The following CARMIL1 variants were observed in gnomAD, a reference collection of about 807,000 sequenced individuals.
The protein encoded by CARMIL1 is F-actin-uncapping protein LRRC16A.
CARMIL1 carries 90 observed loss-of-function variants against 177.1 expected under a neutral mutation model. The ratio of observed to expected loss-of-function variants is 0.51; its 90% confidence interval spans 0.43 to 0.61. The LOEUF (loss-of-function observed/expected upper bound fraction) is 0.61, where lower values mean the gene tolerates loss of function less well. Ranked by LOEUF, CARMIL1 falls within the 20% of genes least tolerant of loss-of-function variation. CARMIL1 has a pLI of 0.00. For missense variants in CARMIL1, 1,380 were observed against 1,667.0 expected (o/e 0.83, Z 3.00); for synonymous variants, 577 against 606.2 (o/e 0.95, Z 0.71).
intron 2 of CARMIL1, among the ~76,000 whole-genome samples, chr6:25,339,163 CCT>C (rs1470241786): frequency 2.0e-5 from 3 of 152,252 alleles, no homozygotes; most frequent in African/African-American, 7.2e-5. Context: ...TGTAGCGTCA[CCT>C]CTCTCATACA....
Position 25,581,543 on chromosome 6 carries a change from G to C in CARMIL1, c.3006+104G>C, listed in dbSNP as rs1267340184. ...TGCTTTGCACAAACATGAAAGCTATGGTTAAGGAGACTAGAACCTCTTTGC... is the reference window on the plus strand; with the variant it reads ...TGCTTTGCACAAACATGAAAGCTATCGTTAAGGAGACTAGAACCTCTTTGC... On this transcript the variant is annotated intron_variant, in intron 31 of 36. Transcript: ENST00000329474. 2.9e-6 allele frequency: 3 copies of C among 1,052,448 alleles called. No individual in the cohort carries two copies. In the African/African-American group the frequency reaches 4.8e-5, roughly 17 times the overall value. The allele number at this position is 1,052,448 out of a possible 1,614,324, so 65.2% of individuals were successfully genotyped here.
intron 2 of CARMIL1, among the ~76,000 whole-genome samples, chr6:25,409,565 T>G (rs1581842214): frequency 1.3e-5 from 2 of 152,170 alleles, no homozygotes; most frequent in Non-Finnish European, 2.9e-5. Flanking sequence ...AAGCTCATGT[T>G]CTTGCCATCT....
chr6:25,550,828 T>C, intron 26 of CARMIL1, 82 bp from the exon 27 acceptor site: 1 of 1,307,016 alleles, frequency 7.7e-7, no homozygotes, highest in Non-Finnish European at 1.1e-6. Flanking sequence ...CTCCGTGTCA[T>C]ATATAACCAC....
intron 2 of CARMIL1, among the ~76,000 whole-genome samples, chr6:25,397,417 C>T (rs1490727847): frequency 2.6e-5 from 4 of 152,150 alleles, no homozygotes; most frequent in Middle Eastern, 6.8e-3. Flanking sequence ...TAAATGGCAG[C>T]AAGTAGAGCA....
intron 6 of CARMIL1, 79 bp downstream of exon 6, chr6:25,450,074 G>A: frequency 8.3e-7 from 1 of 1,203,888 alleles, no homozygotes; most frequent in Non-Finnish European, 1.2e-6. Context: ...TATTCCTAGT[G>A]TGCTACTGTA....
intron 29 of CARMIL1, among the ~76,000 whole-genome samples, chr6:25,580,489 G>C (rs1175179327): frequency 6.6e-6 from 1 of 152,202 alleles, no homozygotes; most frequent in Non-Finnish European, 1.5e-5. Context: ...AATGTGAAAC[G>C]AGAGTGCAAC....
chr6:25,586,627 G>A (rs908969641), intron 31 of CARMIL1, among the ~76,000 whole-genome samples: 1 of 152,086 alleles, frequency 6.6e-6, no homozygotes, highest in African/African-American at 2.4e-5. Flanking sequence ...AGGTTGTAGC[G>A]AGCCGAGATC....
chr6:25,491,683 A>G lies in CARMIL1; in HGVS notation c.1066-49A>G. On this transcript the variant is annotated intron_variant, in intron 13 of 36. Transcript: ENST00000329474. Reference sequence around the variant, plus strand: ...TAAAACATTAACTTGCATTGTGTGTATGTGTGTGTTTCTAGAATCCTAACA... The same window carrying G: ...TAAAACATTAACTTGCATTGTGTGTGTGTGTGTGTTTCTAGAATCCTAACA... The G allele has an allele frequency of 4.3e-6, 5 of 1,165,780 alleles. No homozygotes were observed. The South Asian group carries it at 5.4e-5, about 13-fold the overall frequency. The allele number at this position is 1,165,780 out of a possible 1,614,324, so 72.2% of individuals were successfully genotyped here.
At chr6:25,399,427 T>C (rs986653876) in intron 2 of CARMIL1, among the ~76,000 whole-genome samples, 2 of 152,202 alleles carry the variant, frequency 1.3e-5, no homozygotes, top group Non-Finnish European at 2.9e-5. Flanking sequence ...GTTCTAAGTG[T>C]ATCGTGGATG....
At chr6:25,406,434 G>A (rs12662331) in intron 2 of CARMIL1, among the ~76,000 whole-genome samples, 65,282 of 151,890 alleles carry the variant, frequency 0.43, 14,228 homozygotes, top group Middle Eastern at 0.57. Context: ...AAGCAGAGAA[G>A]GGACATAATA....
At chr6:25,288,279 A>T (rs1431384047) in intron 2 of CARMIL1, among the ~76,000 whole-genome samples, 3 of 152,184 alleles carry the variant, frequency 2.0e-5, no homozygotes, top group African/African-American at 7.2e-5. Context: ...GGGGTAAGGC[A>T]TATACAGGGT....
chr6:25,320,682 G>A (rs1383950130), intron 2 of CARMIL1, among the ~76,000 whole-genome samples: 1 of 152,210 alleles, frequency 6.6e-6, no homozygotes, highest in Non-Finnish European at 1.5e-5. Context: ...CTTGGTGGAA[G>A]TGGTGATTTC....
chr6:25,289,149 C>T (rs1781747788), intron 2 of CARMIL1, among the ~76,000 whole-genome samples: 1 of 152,080 alleles, frequency 6.6e-6, no homozygotes, highest in African/African-American at 2.4e-5. Flanking sequence ...GAGGAATGGT[C>T]CTTTAGCCAT....
At chr6:25,390,293 CATATATATATAT>C (rs397887367) in intron 2 of CARMIL1, among the ~76,000 whole-genome samples, 26 of 84,904 alleles carry the variant, frequency 3.1e-4, no homozygotes, top group African/African-American at 8.3e-4. Context: ...TATATATTTA[CATATATATATAT>C]ATATATATAT....
intron 24 of CARMIL1, among the ~76,000 whole-genome samples, chr6:25,535,276 A>C (rs1471240600): frequency 6.6e-6 from 1 of 152,170 alleles, no homozygotes; most frequent in Non-Finnish European, 1.5e-5. Flanking sequence ...AGGACTGGAG[A>C]ACTGTGTCAG....
intron 17 of CARMIL1, among the ~76,000 whole-genome samples, chr6:25,504,869 C>T (rs1461609028): frequency 6.6e-6 from 1 of 152,184 alleles, no homozygotes; most frequent in Non-Finnish European, 1.5e-5. Flanking sequence ...TTAGGTGACT[C>T]ACCTTCTTTT....
chr6:25,515,671 G>A lies in CARMIL1; in HGVS notation c.1633-4G>A, dbSNP rs371035386. ...CTGAGTGCCGTGTGTCATTTGCTCCGCAGCCTCTGCAGTCCTTGTCCCTGG... is the reference window on the plus strand; with the variant it reads ...CTGAGTGCCGTGTGTCATTTGCTCCACAGCCTCTGCAGTCCTTGTCCCTGG... On this transcript the variant is annotated splice_polypyrimidine_tract_variant and splice_region_variant and intron_variant, in intron 20 of 36. Coordinates refer to ENST00000329474, the MANE Select transcript of CARMIL1 (RefSeq NM_017640.6). The surrounding 1 kb of genome is among the most constrained non-coding windows in gnomAD (Gnocchi z 5.0). The A allele has an allele frequency of 8.6e-5, 138 of 1,595,592 alleles. No individual in the cohort carries two copies. In the Admixed American group the frequency reaches 1.6e-3, roughly 18 times the overall value.
chr6:25,619,720 C>T lies in CARMIL1; in HGVS notation c.*137C>T. ...TTCTTTTTCTTTATTTCGCCCCCAC[C>T]CCCATCCCCTGCCTTTTTTTTTTTT... On this transcript the variant is annotated 3_prime_UTR_variant, in exon 37 of 37. Transcript: ENST00000329474. 1 of 711,368 alleles carries T rather than the reference C, an allele frequency of 1.4e-6. No homozygotes were observed. Among genetic ancestry groups the T allele is most frequent in the Non-Finnish European group, 2.1e-6 (1 of 483,002 alleles). 44.1% of individuals were successfully genotyped at this position (711,368 alleles called of 1,614,324 possible).
intron 5 of CARMIL1, among the ~76,000 whole-genome samples, chr6:25,441,337 A>ATATATATATATATATATATATG: frequency 2.9e-4 from 27 of 94,524 alleles, no homozygotes; most frequent in African/African-American, 8.7e-4. Context: ...ATATATATAT[A>ATATATATATATATATATATATG]TGTGTGTGTG....
Sources: gnomAD v4.1 joint callset for allele counts (sites outside exome capture counted in the v4.1 genomes callset) on GRCh38, gnomAD v4.1.1 for gene constraint, Gnocchi (gnomAD v3.1) non-coding constraint, MANE v1.5 for transcripts, NCBI Gene and HGNC (gene_info 2026-07-23, HGNC 2026-07-21) for gene names.